Variants in ATP8B1 observed in about 807,000 individuals in gnomAD.
ATP8B1 encodes ATPase phospholipid transporting 8B1, also known as phospholipid-transporting ATPase IC.
Under a neutral mutation model 149.9 loss-of-function variants are expected in ATP8B1, and 80 were observed. The observed-to-expected ratio is 0.53, with a 90% CI of 0.45 to 0.64. ATP8B1 has a LOEUF of 0.64. Among genes scored for constraint, ATP8B1 ranks in the 30% least tolerant of loss-of-function variants. The pLI is 0.00. For synonymous variants in ATP8B1, 536 were observed against 562.8 expected, an observed-to-expected ratio of 0.95 and a Z score of 0.67; for missense variants, 1,247 against 1,552.6, an observed-to-expected ratio of 0.80 and a Z score of 3.31.
rs1910525976 is a variant in ATP8B1, at chr18:57,662,486, C to G, written c.2415G>C (p.Trp805Cys). Residue 805 changes from tryptophan (W) to cysteine (C), a missense_variant, in exon 21 of 28, where the codon TGG (tryptophan) becomes TGC (cysteine). Around this residue, in one of 3 missense-constraint regions of ATP8B1, gnomAD observed 853 missense variants for 1,035.7 expected, o/e 0.82. Coordinates refer to ENST00000648908, the MANE Select transcript of ATP8B1 (RefSeq NM_001374385.1). The stretch of plus-strand genomic sequence containing the variant: ...CAGATACACTAATGATACGTACCAA[C>G]CAAGAACCAGTGATGATTAAGGCAC... The part of the protein sequence containing the change: ...GNRALIITGS[W>C]LNEILLEKKT... 3.1e-6 allele frequency: 5 copies of G among 1,613,954 alleles called. No homozygotes were observed. Among genetic ancestry groups the G allele is most frequent in the Admixed American group, 1.7e-5 (1 of 60,000 alleles).
intron 1 of ATP8B1, among the ~76,000 whole-genome samples, chr18:57,780,566 T>C (rs1010706322): frequency 6.6e-6 from 1 of 152,018 alleles, no homozygotes; most frequent in Non-Finnish European, 1.5e-5. Context: ...GGAAAGGAAA[T>C]CGTAACTACT....
chr18:57,795,035 G>C (rs560472537), intron 1 of ATP8B1, among the ~76,000 whole-genome samples: 2 of 151,746 alleles, frequency 1.3e-5, no homozygotes, highest in Non-Finnish European at 2.9e-5. Context: ...AACTGAATAA[G>C]GGGGGCTCAA....
At chr18:57,773,520 T>A (rs1568065472) in intron 1 of ATP8B1, among the ~76,000 whole-genome samples, 4 of 152,182 alleles carry the variant, frequency 2.6e-5, no homozygotes, top group African/African-American at 9.7e-5. Context: ...GGGTTCTTAT[T>A]TGGCCCTGAC....
intron 1 of ATP8B1, among the ~76,000 whole-genome samples, chr18:57,744,620 A>G (rs1470957205): frequency 6.6e-6 from 1 of 152,146 alleles, no homozygotes; most frequent in East Asian, 1.9e-4. Context: ...CAATGGCCTC[A>G]TTTTTACCCC....
intron 2 of ATP8B1, among the ~76,000 whole-genome samples, chr18:57,720,487 AG>A (rs1178259796): frequency 1.9e-5 from 2 of 103,542 alleles, no homozygotes; most frequent in African/African-American, 7.5e-5. Context: ...ACTGGAAGAA[AG>A]GGTATCAGCA....
intron 4 of ATP8B1, 47 bp downstream of exon 4, chr18:57,704,508 T>C (rs780049429): frequency 1.6e-6 from 2 of 1,242,576 alleles, no homozygotes; most frequent in African/African-American, 1.5e-5. Context: ...TTAAATGTTA[T>C]CGAGTCACTA....
intron 1 of ATP8B1, among the ~76,000 whole-genome samples, chr18:57,799,988 AT>A (rs34564198): frequency 0.21 from 32,041 of 151,956 alleles, 3,955 homozygotes; most frequent in African/African-American, 0.33. Context: ...CAGCAAATTA[AT>A]TTTTTACTTA....
intron 21 of ATP8B1, among the ~76,000 whole-genome samples, chr18:57,662,070 G>A (rs1005786791): frequency 7.2e-5 from 11 of 152,156 alleles, no homozygotes; most frequent in Non-Finnish European, 1.5e-4. Context: ...CTGGGTTGAA[G>A]TGCAGTGGCT....
chr18:57,661,024 C>T (rs1910357453), intron 22 of ATP8B1, 150 bp downstream of exon 22: 2 of 1,067,374 alleles, frequency 1.9e-6, no homozygotes, highest in South Asian at 2.8e-5. Flanking sequence ...GGGTCACAGG[C>T]GTTGTCATGG....
intron 1 of ATP8B1, among the ~76,000 whole-genome samples, chr18:57,758,890 G>A (rs9962671): frequency 0.44 from 66,639 of 151,058 alleles, 15,055 homozygotes; most frequent in Middle Eastern, 0.52. Context: ...GGGCATGGTA[G>A]CTCACGCCTG....
At chr18:57,706,649 T>C in intron 2 of ATP8B1, 62 bp from the exon 3 acceptor site, 1 of 1,326,054 alleles carries the variant, frequency 7.5e-7, no homozygotes, top group Non-Finnish European at 1.1e-6. Flanking sequence ...TGAGTTGAAT[T>C]GTGTCTTCCC....
intron 1 of ATP8B1, among the ~76,000 whole-genome samples, chr18:57,791,474 C>T (rs1412589642): frequency 6.6e-6 from 1 of 151,270 alleles, no homozygotes. Flanking sequence ...TCATAGCCTC[C>T]CGAGTAGCTA....
intron 1 of ATP8B1, among the ~76,000 whole-genome samples, chr18:57,748,485 C>T (rs1053790993): frequency 6.6e-6 from 1 of 152,188 alleles, no homozygotes; most frequent in Non-Finnish European, 1.5e-5. Flanking sequence ...AGACAATAAG[C>T]TTCTGTTCTT....
chr18:57,797,538 T>C (rs1225734288), intron 1 of ATP8B1, among the ~76,000 whole-genome samples: 1 of 152,004 alleles, frequency 6.6e-6, no homozygotes, highest in African/African-American at 2.4e-5. Flanking sequence ...TTGTCACCTA[T>C]TAAATGCAAA....
chr18:57,663,243 TATATA>T lies in ATP8B1; in HGVS notation c.2286-633_2286-629del, dbSNP rs558949743. 1.8e-4 allele frequency among the ~76,000 whole-genome samples: 28 copies of T among 152,328 alleles called. No individual in the cohort carries two copies. In the South Asian group the frequency reaches 5.0e-3, roughly 27 times the overall value. On this transcript the variant is annotated intron_variant, in intron 20 of 27. Transcript: ENST00000648908. The stretch of plus-strand genomic sequence containing the variant: ...TAGCTTAATGTCTTCAAGGTTCATC[TATATA>T]ATATATGTCATAATTTCCTTCCTTT...
intron 1 of ATP8B1, among the ~76,000 whole-genome samples, chr18:57,759,652 A>T (rs1021718636): frequency 1.4e-5 from 2 of 144,962 alleles, no homozygotes; most frequent in African/African-American, 2.7e-5. Flanking sequence ...TACTAAAAAT[A>T]AAAAAAAAAG....
chr18:57,714,310 C>T (rs1913893476), intron 2 of ATP8B1, among the ~76,000 whole-genome samples: 2 of 152,158 alleles, frequency 1.3e-5, no homozygotes, highest in Admixed American at 1.3e-4. Flanking sequence ...GGACTCCAGT[C>T]CATGGCTCCC....
rs1404034865 is a variant in ATP8B1 at position 57,668,445 on chromosome 18, A to G, written c.2193T>C (p.Leu731=). 1 of 1,608,322 alleles carries G rather than the reference A, an allele frequency of 6.2e-7. No individual in the cohort carries two copies. Among genetic ancestry groups the G allele is most frequent in the Admixed American group, 1.7e-5 (1 of 59,874 alleles). ...LAKADIKIWV[L]TGDKKETAEN... ...ATGAATTACCCTTTTTGTCTCCAGT[A>G]AGCACCCAGATCTTAATGTCAGCTT... Residue 731 remains leucine, a synonymous_variant, in exon 19 of 28, where the codon CTT becomes CTC. Transcript: ENST00000648908.
At position 57,690,465 on chromosome 18, in the gene ATP8B1, G is replaced by A. The variant is rs114924026; in HGVS notation, c.1220+1342C>T. ...CTTTATCTCCAAGAAAAAAGAAATCGTATTTGTCACATGACATACCTTTAT... is the reference window on the plus strand; with the variant it reads ...CTTTATCTCCAAGAAAAAAGAAATCATATTTGTCACATGACATACCTTTAT... On this transcript the variant is annotated intron_variant, in intron 12 of 27. Coordinates refer to ENST00000648908, the MANE Select transcript of ATP8B1 (RefSeq NM_001374385.1). Among the ~76,000 whole-genome samples the A allele has an allele frequency of 5.1e-3, 783 of 152,262 alleles. 10 individuals are homozygous for A. The highest frequency in any genetic ancestry group is 0.017 in the African/African-American group (706 of 41,562).
Sources: allele counts gnomAD v4.1 joint callset (sites outside exome capture counted in the v4.1 genomes callset), GRCh38; gene constraint gnomAD v4.1.1; regional missense constraint gnomAD v4.1.1; transcripts MANE v1.5; gene names NCBI Gene and HGNC (gene_info 2026-07-23, HGNC 2026-07-21).